Variants in INSYN2A observed in about 807,000 individuals in gnomAD.
INSYN2A encodes inhibitory synaptic factor 2A, also known as family with sequence similarity 196 member A.
A neutral mutation model predicts 39.4 loss-of-function variants in INSYN2A; 17 were observed. That is an observed-to-expected ratio of 0.43 (90% CI 0.30 to 0.65). INSYN2A has a LOEUF of 0.65. Among genes scored for constraint, INSYN2A ranks in the 30% least tolerant of loss-of-function variants. The pLI is 0.14. For missense variants in INSYN2A, 595 were observed against 631.2 expected, an observed-to-expected ratio of 0.94 and a Z score of 0.61; for synonymous variants, 255 against 265.7, an observed-to-expected ratio of 0.96 and a Z score of 0.39.
At chr10:127,179,321 TCTC>T (rs2133945088) in intron 2 of INSYN2A, among the ~76,000 whole-genome samples, 1 of 152,356 alleles carries the variant, frequency 6.6e-6, no homozygotes, top group South Asian at 2.1e-4. Context: ...TCTAAGCTCT[TCTC>T]TGTTTTATAG....
At chr10:127,184,691 C>T (rs895844201) in intron 2 of INSYN2A, among the ~76,000 whole-genome samples, 1 of 152,188 alleles carries the variant, frequency 6.6e-6, no homozygotes, top group South Asian at 2.1e-4. Context: ...TTCCATTAAG[C>T]CATTTCCTGC....
At chr10:127,165,011 A>G (rs1184906033) in intron 4 of INSYN2A, among the ~76,000 whole-genome samples, 4 of 152,244 alleles carry the variant, frequency 2.6e-5, no homozygotes, top group African/African-American at 7.2e-5. Flanking sequence ...TTGAAAATTA[A>G]TGAAAATGAA....
At chr10:127,190,059 G>A (rs2056604590) in intron 2 of INSYN2A, among the ~76,000 whole-genome samples, 1 of 152,164 alleles carries the variant, frequency 6.6e-6, no homozygotes, top group African/African-American at 2.4e-5. Context: ...TGGGTTATAA[G>A]AACATTAATT....
chr10:127,170,977 A>G (rs529392404), intron 4 of INSYN2A, among the ~76,000 whole-genome samples: 16 of 152,312 alleles, frequency 1.1e-4, no homozygotes, highest in Middle Eastern at 3.4e-3. Context: ...TGCACATCTA[A>G]CCTACTTGCA....
chr10:127,173,474 C>T (rs1459984708), intron 4 of INSYN2A, among the ~76,000 whole-genome samples: 4 of 152,128 alleles, frequency 2.6e-5, no homozygotes, highest in Non-Finnish European at 5.9e-5. Context: ...ATATATCGTA[C>T]GGTTTTCCTT....
Position 127,156,041 on chromosome 10 carries a change from C to T in INSYN2A, c.1185-2118G>A, listed in dbSNP as rs117597022. Among the ~76,000 whole-genome samples the T allele has an allele frequency of 7.1e-3, 1,086 of 152,174 alleles. 7 individuals carry two copies. The highest frequency in any genetic ancestry group is 0.012 in the Non-Finnish European group (831 of 68,000). On this transcript the variant is annotated intron_variant, in intron 4 of 5. Coordinates refer to ENST00000522781, the MANE Select transcript of INSYN2A (RefSeq NM_001039762.3). ...CCAAATTTTAGGTTCTTACAGTGGG[C>T]GAAACCAGGGATATTTACAGTTTTC...
At chr10:127,164,094 G>A (rs2053844831) in intron 4 of INSYN2A, among the ~76,000 whole-genome samples, 1 of 150,998 alleles carries the variant, frequency 6.6e-6, no homozygotes, top group Admixed American at 6.6e-5. Context: ...GGGGACGCAG[G>A]GGTCAGCCGG....
chr10:127,167,877 C>G (rs1274319434), intron 4 of INSYN2A, among the ~76,000 whole-genome samples: 1 of 152,126 alleles, frequency 6.6e-6, no homozygotes, highest in African/African-American at 2.4e-5. Flanking sequence ...TCCCTGTGTT[C>G]AAGCTCCTCC....
chr10:127,152,025 T>A (rs915122767), intron 5 of INSYN2A, among the ~76,000 whole-genome samples: 25 of 151,308 alleles, frequency 1.7e-4, no homozygotes, highest in African/African-American at 5.3e-4. Flanking sequence ...ATATATATAT[T>A]TTTTTTCGAT....
intron 2 of INSYN2A, among the ~76,000 whole-genome samples, chr10:127,187,795 CAAGCAA>C (rs759200445): frequency 1.1e-4 from 17 of 152,144 alleles, no homozygotes; most frequent in African/African-American, 3.9e-4. Flanking sequence ...AGCAAGCAAG[CAAGCAA>C]AAGCAAAAGC....
chr10:127,192,457 G>C (rs2056824514), intron 2 of INSYN2A, 148 bp downstream of exon 2: 1 of 152,184 alleles, frequency 6.6e-6, no homozygotes, highest in African/African-American at 2.4e-5. Context: ...CATTTGTCAG[G>C]TTAGAATGTT....
chr10:127,183,308 A>C (rs1395618178), intron 2 of INSYN2A, among the ~76,000 whole-genome samples: 1 of 152,170 alleles, frequency 6.6e-6, no homozygotes, highest in Admixed American at 6.5e-5. Context: ...TTGAAGATGC[A>C]GTCTGTCTTT....
Position 127,184,608 on chromosome 10 carries a change from C to T in INSYN2A, c.-268-7469G>A, listed in dbSNP as rs139441599. 2.2e-3 allele frequency among the ~76,000 whole-genome samples: 328 copies of T among 151,844 alleles called. 1 individual carries two copies. Among genetic ancestry groups the T allele is most frequent in the Non-Finnish European group, 3.3e-3 (226 of 67,962 alleles). Reference sequence around the variant, plus strand: ...TCCAAAGAGTCTCTTATTATAAGATCATCTATACTTTTTCCTACCTGCTCA... The same window carrying T: ...TCCAAAGAGTCTCTTATTATAAGATTATCTATACTTTTTCCTACCTGCTCA... On this transcript the variant is annotated intron_variant, in intron 2 of 5. Transcript: ENST00000522781.
At chr10:127,156,061 G>A (rs2053014045) in intron 4 of INSYN2A, among the ~76,000 whole-genome samples, 2 of 152,168 alleles carry the variant, frequency 1.3e-5, no homozygotes, top group Non-Finnish European at 2.9e-5. Context: ...GATATTTACA[G>A]TTTTCTGAAG....
At chr10:127,173,559 T>G (rs537658480) in intron 4 of INSYN2A, among the ~76,000 whole-genome samples, 1 of 152,358 alleles carries the variant, frequency 6.6e-6, no homozygotes, top group South Asian at 2.1e-4. Flanking sequence ...CACATTAGTG[T>G]ACATATTTCA....
At chr10:127,178,920 G>T (rs1199891857) in intron 2 of INSYN2A, among the ~76,000 whole-genome samples, 1 of 152,090 alleles carries the variant, frequency 6.6e-6, no homozygotes, top group Non-Finnish European at 1.5e-5. Flanking sequence ...AGCAGTGGGG[G>T]TGGAATAAGA....
At chr10:127,167,744 C>T (rs1051400483) in intron 4 of INSYN2A, among the ~76,000 whole-genome samples, 5 of 152,142 alleles carry the variant, frequency 3.3e-5, no homozygotes, top group African/African-American at 1.2e-4. Flanking sequence ...ACCAAATGAA[C>T]TGGTCCTGTC....
At chr10:127,146,500 G>C (rs913488375) in intron 5 of INSYN2A, among the ~76,000 whole-genome samples, 5 of 152,138 alleles carry the variant, frequency 3.3e-5, no homozygotes, top group African/African-American at 1.2e-4. Context: ...AGAATTTAGA[G>C]ATCTGTCAGA....
intron 4 of INSYN2A, among the ~76,000 whole-genome samples, chr10:127,170,455 A>G (rs1342130346): frequency 6.6e-6 from 1 of 152,220 alleles, no homozygotes; most frequent in East Asian, 1.9e-4. Flanking sequence ...GATATCCTCA[A>G]GTAAAGCTTC....
Sources: gnomAD v4.1 joint callset for allele counts (sites outside exome capture counted in the v4.1 genomes callset) on GRCh38, gnomAD v4.1.1 for gene constraint, MANE v1.5 for transcripts, NCBI Gene and HGNC (gene_info 2026-07-23, HGNC 2026-07-21) for gene names.